The following MRO variants were observed in gnomAD, a reference collection of about 807,000 sequenced individuals.
MRO encodes the protein protein maestro.
In MRO, 28 loss-of-function variants were observed where a neutral mutation model predicts 31.0. That is an observed-to-expected ratio of 0.90 (90% CI 0.67 to 1.24). MRO has a LOEUF of 1.24. MRO is among the 50% of genes most tolerant of loss of function. The pLI, the probability that MRO is intolerant of heterozygous loss-of-function variation, is 0.00. For synonymous variants in MRO, 108 were observed against 108.4 expected, an observed-to-expected ratio of 1.00 and a Z score of 0.02; for missense variants, 332 against 289.2, an observed-to-expected ratio of 1.15 and a Z score of -1.07.
intron 5 of MRO, among the ~76,000 whole-genome samples, chr18:50,804,775 C>A (rs1913739855): frequency 6.6e-6 from 1 of 152,134 alleles, no homozygotes; most frequent in Non-Finnish European, 1.5e-5. Context: ...CAACAAACCA[C>A]CCGCAGCTCA....
chr18:50,801,356 AC>A lies in MRO; in HGVS notation c.577del (p.Val193LeufsTer16). The A allele has an allele frequency of 6.3e-7, 1 of 1,581,374 alleles. No homozygotes were observed. Among genetic ancestry groups the A allele is most frequent in the South Asian group, 1.2e-5 (1 of 86,954 alleles). ...GCAGAGTCAAGGTCTTACCTTGGCA[AC>A]CTGGGGATTTCTGTCCTGTAAATGG... ...LIHLQDRNPQVAKACKTTFQA... is the reference protein window; with the variant it reads ...LIHLQDRNPQXAKACKTTFQA... On this transcript the variant is annotated frameshift_variant, in exon 6 of 8. Transcript: ENST00000398439. LOFTEE classifies it high-confidence loss of function.
intron 4 of MRO, among the ~76,000 whole-genome samples, chr18:50,806,321 C>A (rs1034967283): frequency 6.6e-6 from 1 of 152,110 alleles, no homozygotes; most frequent in African/African-American, 2.4e-5. Context: ...GACAGAGTGG[C>A]CTGTAGGCAT....
intron 3 of MRO, 87 bp downstream of exon 3, chr18:50,809,215 G>T: frequency 1.2e-6 from 1 of 837,970 alleles, no homozygotes; most frequent in Non-Finnish European, 1.9e-6. Context: ...AGTGGAGCAG[G>T]CCTAACTAAC....
At chr18:50,822,345 TA>T (rs1231164112), upstream of MRO, among the ~76,000 whole-genome samples, 1 of 77,646 alleles carries the variant, frequency 1.3e-5, no homozygotes, top group African/African-American at 4.1e-5. Flanking sequence ...TAGTTTATTT[TA>T]TTTTATTTTT....
In MRO at chr18:50,806,726, A is replaced by G. The variant is rs1042358568; in HGVS notation, c.224T>C (p.Met75Thr). The G allele has an allele frequency of 1.9e-6, 3 of 1,614,034 alleles. No homozygotes were observed. Among genetic ancestry groups the G allele is most frequent in the Non-Finnish European group, 1.7e-6 (2 of 1,180,028 alleles). The stretch of plus-strand genomic sequence containing the variant: ...TACCTTGTCAGGGGCTTCATAGGCC[A>G]TGGTTCCCAAGTTTCTCATTGCCAT... The part of the protein sequence containing the change: ...RHMAMRNLGT[M>T]AYEAPDKVRK... Residue 75 changes from methionine (M) to threonine (T), a missense_variant, in exon 4 of 8, where the codon ATG (methionine) becomes ACG (threonine). Coordinates refer to ENST00000398439, the MANE Select transcript of MRO (RefSeq NM_031939.6).
In MRO at chr18:50,796,122, C is replaced by A. The variant is rs1912770491; in HGVS notation, c.*3215G>T. ...TGTTCAAAATTAAGAAATGTCAAAA[C>A]ATTACCTTTGGGTTGGCATTCAGAT... is the stretch of plus-strand genomic sequence containing the variant. On this transcript the variant is annotated 3_prime_UTR_variant, in exon 8 of 8. Transcript: ENST00000398439. 6.6e-6 allele frequency: 1 copy of A among 151,988 alleles called. No homozygotes were observed. The highest frequency in any genetic ancestry group is 6.6e-5 in the Admixed American group (1 of 15,264). 9.4% of individuals were successfully genotyped at this position (151,988 alleles called of 1,614,324 possible). A position where few individuals can be genotyped will look rare whatever the true frequency, so the allele number is the denominator to read the frequency against.
upstream of MRO, among the ~76,000 whole-genome samples, chr18:50,821,767 A>T (rs556613444): frequency 2.0e-5 from 3 of 152,360 alleles, no homozygotes; most frequent in South Asian, 6.2e-4. Flanking sequence ...TAATATGCAG[A>T]TAAATTTTCC....
At chr18:50,820,615 T>C (rs1915267884), upstream of MRO, among the ~76,000 whole-genome samples, 3 of 152,260 alleles carry the variant, frequency 2.0e-5, no homozygotes, top group Admixed American at 1.3e-4. Context: ...TTGTGATAAA[T>C]ATTACATAGA....
intron 5 of MRO, 125 bp from the exon 6 acceptor site, chr18:50,801,629 T>G: frequency 2.1e-6 from 2 of 930,514 alleles, no homozygotes; most frequent in East Asian, 2.5e-5. Flanking sequence ...ATCACAGCCA[T>G]CGATCTTGAC....
chr18:50,804,168 T>C (rs1255906131), intron 5 of MRO, among the ~76,000 whole-genome samples: 2 of 150,888 alleles, frequency 1.3e-5, no homozygotes, highest in Non-Finnish European at 3.0e-5. Flanking sequence ...TTGGGAAGAT[T>C]ATATGAGATG....
chr18:50,812,909 A>G (rs1914589387), intron 2 of MRO, among the ~76,000 whole-genome samples: 1 of 152,118 alleles, frequency 6.6e-6, no homozygotes, highest in Non-Finnish European at 1.5e-5. Context: ...CCACCAAGTA[A>G]TTCCAGCAGG....
chr18:50,802,918 T>TGTGTGTGTGTGTGTGTGTGTA (rs1913518428), intron 5 of MRO, among the ~76,000 whole-genome samples: 1 of 96,244 alleles, frequency 1.0e-5, no homozygotes, highest in African/African-American at 3.2e-5. Context: ...GTGTGTGTAG[T>TGTGTGTGTGTGTGTGTGTGTA]GTGTGTGTGT....
At chr18:50,802,904 A>G (rs2849259) in intron 5 of MRO, among the ~76,000 whole-genome samples, 117,779 of 147,704 alleles carry the variant, frequency 0.8, 46,598 homozygotes, top group South Asian at 0.91. Context: ...GTGTTTGTGT[A>G]TGTGTGTGTG....
At chr18:50,815,328 G>T (rs370416081) in intron 2 of MRO, 23 of 270,250 alleles carry the variant, frequency 8.5e-5, no homozygotes, top group African/African-American at 4.7e-4. Context: ...GATAATTTTT[G>T]CCGTGGTGGG....
intron 3 of MRO, 30 bp downstream of exon 3, chr18:50,809,272 G>A: frequency 5.8e-6 from 9 of 1,560,574 alleles, no homozygotes; most frequent in Non-Finnish European, 7.9e-6. Context: ...GCTGGGAGGA[G>A]AAATTTGTTC....
intron 5 of MRO, among the ~76,000 whole-genome samples, chr18:50,803,922 G>A (rs1281760490): frequency 6.6e-6 from 1 of 152,274 alleles, no homozygotes; most frequent in South Asian, 2.1e-4. Context: ...AGGCTAACTT[G>A]TTAGCTTGCA....
chr18:50,820,137 C>A, upstream of MRO: 2 of 617,866 alleles, frequency 3.2e-6, no homozygotes, highest in Non-Finnish European at 5.8e-6. Context: ...AAGCCGCCGC[C>A]GTGGCTGCCT....
At chr18:50,799,905 TA>T in intron 7 of MRO, 130 bp downstream of exon 7, 1 of 648,192 alleles carries the variant, frequency 1.5e-6, no homozygotes, top group Non-Finnish European at 2.6e-6. Context: ...AAAGAAAAAA[TA>T]AAAAAATAAA....
chr18:50,823,416 C>T (rs1915383659), upstream of MRO, among the ~76,000 whole-genome samples: 1 of 152,214 alleles, frequency 6.6e-6, no homozygotes, highest in African/African-American at 2.4e-5. Context: ...ATGCAGTTCT[C>T]CAAACTCTAT....
Sources: gnomAD v4.1 joint callset for allele counts (sites outside exome capture counted in the v4.1 genomes callset) on GRCh38, gnomAD v4.1.1 for gene constraint, MANE v1.5 for transcripts, NCBI Gene and HGNC (gene_info 2026-07-23, HGNC 2026-07-21) for gene names.